The following PRDM7 variants were observed in gnomAD, a reference collection of about 807,000 sequenced individuals.
PRDM7 encodes the protein PR/SET domain 7, also known as histone-lysine N-methyltransferase PRDM7.
Under a neutral mutation model 64.3 loss-of-function variants are expected in PRDM7, and 52 were observed. The observed-to-expected ratio is 0.81, with a 90% confidence interval of 0.65 to 1.02. The LOEUF is 1.02. Ranked by LOEUF, PRDM7 falls within the 50% of genes least tolerant of loss-of-function variation. The probability of loss-of-function intolerance (pLI) is 0.00; values close to 1 mark genes in which losing one functional copy is unlikely to be tolerated. For missense variants in PRDM7, 574 were observed against 597.1 expected, an observed-to-expected ratio of 0.96 and a Z score of 0.40; for synonymous variants, 192 against 210.1, an observed-to-expected ratio of 0.91 and a Z score of 0.74.
chr16:90,066,335 C>G (rs574745247), intron 5 of PRDM7, among the ~76,000 whole-genome samples: 1 of 151,216 alleles, frequency 6.6e-6, no homozygotes, highest in Middle Eastern at 3.4e-3. Flanking sequence ...TAGTGCAAAT[C>G]TGACTTTACT....
At position 90,065,462 on chromosome 16, in the gene PRDM7, C is replaced by T. The variant is rs550260002; in HGVS notation, c.351+1399G>A. On this transcript the variant is annotated intron_variant, in intron 5 of 10. Coordinates refer to ENST00000449207, the MANE Select transcript of PRDM7 (RefSeq NM_001098173.2). ...AATAATTTTTCTCACAGACTGGGTG[C>T]GGTGGCTCACATCTGTAATCCCAGC... Among the ~76,000 whole-genome samples the T allele has an allele frequency of 1.2e-3, 185 of 150,018 alleles. 12 individuals are homozygous for T. The highest frequency in any genetic ancestry group is 4.1e-3 in the African/African-American group (164 of 40,018).
chr16:90,073,864 C>T (rs889342160), intron 4 of PRDM7, among the ~76,000 whole-genome samples: 3 of 151,766 alleles, frequency 2.0e-5, no homozygotes, highest in Admixed American at 2.0e-4. Flanking sequence ...CTCACTGCCA[C>T]CTCCACCTCC....
intron 4 of PRDM7, among the ~76,000 whole-genome samples, chr16:90,068,717 A>C (rs1226164818): frequency 6.6e-6 from 1 of 151,328 alleles, no homozygotes; most frequent in Non-Finnish European, 1.5e-5. Flanking sequence ...CTATTTAGTA[A>C]AAATGAGCAA....
chr16:90,075,131 G>A lies in PRDM7; in HGVS notation c.194-108C>T, dbSNP rs944527206. The A allele has an allele frequency of 1.2e-5, 16 of 1,363,392 alleles. No homozygotes were observed. Among genetic ancestry groups the A allele is most frequent in the Non-Finnish European group, 9.3e-6 (9 of 966,230 alleles). 84.5% of individuals were successfully genotyped at this position (1,363,392 alleles called of 1,614,324 possible). A position where few individuals can be genotyped will look rare whatever the true frequency, so the allele number is the denominator to read the frequency against. On this transcript the variant is annotated intron_variant, in intron 3 of 10. Coordinates refer to ENST00000449207, the MANE Select transcript of PRDM7 (RefSeq NM_001098173.2). The surrounding 1 kb of genome is among the most constrained non-coding windows in gnomAD (Gnocchi z 4.3). ...AAGCCAGTGCTGCTCAGTCTGATGA[G>A]CTGGGAGAGTCTTGAACAAGGTCAA...
intron 6 of PRDM7, 60 bp from the exon 7 acceptor site, chr16:90,062,562 A>G (rs1475564135): frequency 2.1e-5 from 29 of 1,400,218 alleles, no homozygotes; most frequent in Non-Finnish European, 2.7e-5. Flanking sequence ...TCCTTGTTTC[A>G]TAAGAAAATG....
At chr16:90,069,468 C>T (rs1290970036) in intron 4 of PRDM7, among the ~76,000 whole-genome samples, 4 of 151,294 alleles carry the variant, frequency 2.6e-5, no homozygotes, top group African/African-American at 9.8e-5. Context: ...TTGTATATGA[C>T]ACCAAAAGCA....
At chr16:90,063,031 T>C (rs2037808892) in intron 6 of PRDM7, among the ~76,000 whole-genome samples, 1 of 152,254 alleles carries the variant, frequency 6.6e-6, no homozygotes, top group Non-Finnish European at 1.5e-5. Context: ...TGGTCTCATT[T>C]TACAGATTAC....
intron 4 of PRDM7, among the ~76,000 whole-genome samples, chr16:90,070,455 G>A (rs1324477153): frequency 1.3e-5 from 2 of 151,028 alleles, no homozygotes; most frequent in Non-Finnish European, 2.9e-5. Flanking sequence ...TAGCTGATGT[G>A]CCCCTGTAGT....
chr16:90,075,283 AATAAT>A lies in PRDM7; in HGVS notation c.193+63_193+67del. On this transcript the variant is annotated intron_variant, in intron 3 of 10. Coordinates refer to ENST00000449207, the MANE Select transcript of PRDM7 (RefSeq NM_001098173.2). The surrounding 1 kb of genome is among the most constrained non-coding windows in gnomAD (Gnocchi z 4.3). ...GCAGATGCCGCCACCTGATAATTAA[AATAAT>A]ATAGGGACCAAAGACCTGTTTTATA... 6.2e-7 allele frequency: 1 copy of A among 1,610,492 alleles called. No individual in the cohort carries two copies.
At chr16:90,072,204 C>T (rs2037968745) in intron 4 of PRDM7, among the ~76,000 whole-genome samples, 1 of 148,888 alleles carries the variant, frequency 6.7e-6, no homozygotes. Flanking sequence ...GCACTCCAGC[C>T]TGGGCGACAG....
intron 1 of PRDM7, among the ~76,000 whole-genome samples, chr16:90,076,276 C>A (rs931294485): frequency 2.0e-5 from 3 of 152,078 alleles, no homozygotes; most frequent in Non-Finnish European, 4.4e-5. Flanking sequence ...TTGTAGCTAC[C>A]GGTGTTTGAG....
intron 1 of PRDM7, 96 bp downstream of exon 1, chr16:90,077,130 G>C (rs2038048280): frequency 6.6e-6 from 1 of 152,146 alleles, no homozygotes; most frequent in Non-Finnish European, 1.5e-5. Flanking sequence ...GCAGGATTTG[G>C]GGTCTTTTGA....
Position 90,075,564 on chromosome 16 carries a change from G to A in PRDM7, c.70-90C>T. ...ACCCTGCGTGTAGGGCATAGCCTGG[G>A]GCCTCTGGGAGTCTCTGTGAAACAT... is the stretch of plus-strand genomic sequence containing the variant. On this transcript the variant is annotated intron_variant, in intron 2 of 10. Transcript: ENST00000449207. This position sits in a 1 kb window ranked among gnomAD's most constrained non-coding sequence, Gnocchi z 4.3. 1 of 1,600,690 alleles carries A rather than the reference G, an allele frequency of 6.2e-7. No homozygotes were observed. Among genetic ancestry groups the A allele is most frequent in the East Asian group, 2.2e-5 (1 of 44,754 alleles).
chr16:90,059,522 T>C (rs1479044164), intron 10 of PRDM7, among the ~76,000 whole-genome samples: 1 of 152,260 alleles, frequency 6.6e-6, no homozygotes, highest in Non-Finnish European at 1.5e-5. Context: ...CTGAACTCTT[T>C]CTGGCCTCAG....
intron 4 of PRDM7, among the ~76,000 whole-genome samples, chr16:90,070,672 T>A (rs1019857421): frequency 6.6e-6 from 1 of 151,736 alleles, no homozygotes; most frequent in East Asian, 1.9e-4. Context: ...AAATAATTCA[T>A]GTAAATACAC....
rs1432697839 is a variant in PRDM7 at position 90,061,996 on chromosome 16, C to T, written c.807G>A (p.Leu269=). The T allele has an allele frequency of 2.5e-6, 4 of 1,614,142 alleles. No individual in the cohort carries two copies. In the African/African-American group the frequency reaches 4.0e-5, roughly 16 times the overall value. Residue 269 remains leucine, a synonymous_variant, in exon 8 of 11, where the codon CTG becomes CTA. Transcript: ENST00000449207. ...CCTCATAGGGGCCAAAGTGCAGACCCAGTGGCAGATCAGATGCCTCGTTCC... is the reference window on the plus strand; with the variant it reads ...CCTCATAGGGGCCAAAGTGCAGACCTAGTGGCAGATCAGATGCCTCGTTCC... ...GVWNEASDLP[L]GLHFGPYEGR... is the part of the protein sequence containing the mutation.
At chr16:90,073,208 G>A (rs56359293) in intron 4 of PRDM7, among the ~76,000 whole-genome samples, 1 of 152,066 alleles carries the variant, frequency 6.6e-6, no homozygotes, top group African/African-American at 2.4e-5. Flanking sequence ...ATAGTATGAT[G>A]AAATGTACAT....
At chr16:90,059,945 A>C (rs907986027) in intron 10 of PRDM7, among the ~76,000 whole-genome samples, 8 of 152,260 alleles carry the variant, frequency 5.3e-5, no homozygotes, top group African/African-American at 1.9e-4. Context: ...GTAGGAACTC[A>C]CATGACAGCT....
chr16:90,060,545 G>C lies in PRDM7; in HGVS notation c.1029C>G (p.Thr343=), dbSNP rs759923345. 1.5e-5 allele frequency: 25 copies of C among 1,613,958 alleles called. No individual in the cohort carries two copies. The African/African-American group carries it at 2.3e-4, about 15-fold the overall frequency. The change falls in exon 10 of 11, where the codon ACC becomes ACG. Residue 343 remains threonine, a synonymous_variant. Coordinates refer to ENST00000449207, the MANE Select transcript of PRDM7 (RefSeq NM_001098173.2). ...CACAGCCTGGCCTAATGACTCGGCA[G>C]GTTCTATAGAAGATCTGCCTGTGGT... ...FQYHRQIFYR[T]CRVIRPGCEL...
Sources: allele counts gnomAD v4.1 joint callset (sites outside exome capture counted in the v4.1 genomes callset), GRCh38; gene constraint gnomAD v4.1.1; non-coding constraint Gnocchi (gnomAD v3.1); transcripts MANE v1.5; gene names NCBI Gene and HGNC (gene_info 2026-07-23, HGNC 2026-07-21).